The following ESRRG variants were observed in gnomAD, a reference collection of about 807,000 sequenced individuals.
The protein encoded by ESRRG is estrogen-related receptor gamma.
Under a neutral mutation model 44.0 loss-of-function variants are expected in ESRRG, and 13 were observed. That is an observed-to-expected ratio of 0.30 (90% CI 0.19 to 0.47). The LOEUF is 0.47. ESRRG is among the 20% of genes least tolerant of loss of function. ESRRG has a pLI of 1.00. For synonymous variants in ESRRG, 215 were observed against 214.6 expected, an observed-to-expected ratio of 1.00 and a Z score of -0.02; for missense variants, 395 against 580.6, an observed-to-expected ratio of 0.68 and a Z score of 3.29.
At chr1:216,955,118 A>T (rs2067703780) in intron 1 of ESRRG, among the ~76,000 whole-genome samples, 1 of 152,124 alleles carries the variant, frequency 6.6e-6, no homozygotes, top group African/African-American at 2.4e-5. Flanking sequence ...TATCTAACCT[A>T]CAGTGCTATA....
chr1:216,565,551 T>A (rs11572778), intron 4 of ESRRG, among the ~76,000 whole-genome samples: 1,995 of 152,296 alleles, frequency 0.013, 111 homozygotes, highest in Admixed American at 0.089. Context: ...AAATATAGCA[T>A]TCATTTTATC....
chr1:216,902,936 C>T (rs1307036447), intron 2 of ESRRG, among the ~76,000 whole-genome samples: 1 of 152,152 alleles, frequency 6.6e-6, no homozygotes, highest in Non-Finnish European at 1.5e-5. Context: ...CACGTTCCTA[C>T]TTGTTGAAAC....
intron 5 of ESRRG, among the ~76,000 whole-genome samples, chr1:216,531,056 T>C: frequency 2.0e-5 from 3 of 152,230 alleles, no homozygotes; most frequent in Admixed American, 2.0e-4. Context: ...GGAGGTCTTC[T>C]GCATAAATGG....
chr1:216,705,878 G>A (rs922448999), intron 1 of ESRRG, among the ~76,000 whole-genome samples: 4 of 152,296 alleles, frequency 2.6e-5, no homozygotes, highest in Non-Finnish European at 4.4e-5. Flanking sequence ...ATGGCAAGGC[G>A]CCCTGTCTGA....
intron 5 of ESRRG, among the ~76,000 whole-genome samples, chr1:216,555,246 T>G (rs2057286926): frequency 6.6e-6 from 1 of 152,218 alleles, no homozygotes; most frequent in South Asian, 2.1e-4. Context: ...TACTGAGGTT[T>G]GTGATCCAAA....
At chr1:217,023,647 C>T (rs1251584935) in intron 1 of ESRRG, among the ~76,000 whole-genome samples, 1 of 152,190 alleles carries the variant, frequency 6.6e-6, no homozygotes, top group Non-Finnish European at 1.5e-5. Flanking sequence ...AAACCTCCTT[C>T]CTTGAGATGC....
chr1:217,120,140 C>T (rs1393096685), intron 1 of ESRRG, among the ~76,000 whole-genome samples: 1 of 151,980 alleles, frequency 6.6e-6, no homozygotes, highest in Non-Finnish European at 1.5e-5. Flanking sequence ...TCCAAGGCAC[C>T]CCACATTTAA....
chr1:216,607,738 A>G (rs977879110), intron 3 of ESRRG, among the ~76,000 whole-genome samples: 1 of 152,188 alleles, frequency 6.6e-6, no homozygotes, highest in African/African-American at 2.4e-5. Flanking sequence ...GTACAAACAA[A>G]ATAGAAAGGA....
At chr1:216,866,779 C>A (rs1424846588) in intron 2 of ESRRG, among the ~76,000 whole-genome samples, 1 of 152,022 alleles carries the variant, frequency 6.6e-6, no homozygotes, top group Non-Finnish European at 1.5e-5. Flanking sequence ...GTCCATATTT[C>A]TTCCTCCACG....
chr1:216,507,875 T>C (rs1381870098), intron 6 of ESRRG, among the ~76,000 whole-genome samples: 1 of 152,184 alleles, frequency 6.6e-6, no homozygotes, highest in Admixed American at 6.5e-5. Flanking sequence ...AATGAATAAT[T>C]TGAAAATCTA....
At chr1:216,543,871 A>G (rs535632609) in intron 5 of ESRRG, among the ~76,000 whole-genome samples, 3 of 152,218 alleles carry the variant, frequency 2.0e-5, no homozygotes, top group African/African-American at 7.2e-5. Context: ...TTTATGTTCA[A>G]TAATGCTGAA....
chr1:216,623,850 A>T (rs902800160), intron 3 of ESRRG, among the ~76,000 whole-genome samples: 3 of 152,172 alleles, frequency 2.0e-5, no homozygotes, highest in African/African-American at 7.2e-5. Context: ...AATGCCCAGA[A>T]ACACAAACAA....
intron 3 of ESRRG, among the ~76,000 whole-genome samples, chr1:216,600,548 G>A (rs1435538842): frequency 6.6e-6 from 1 of 152,034 alleles, no homozygotes; most frequent in Non-Finnish European, 1.5e-5. Context: ...AAGTTCAGGG[G>A]TACATGTGCA....
Position 216,570,608 on chromosome 1 carries a change from T to C in ESRRG, c.590-2510A>G, listed in dbSNP as rs970115616. 2.0e-5 allele frequency among the ~76,000 whole-genome samples: 3 copies of C among 152,176 alleles called. No homozygotes were observed. The South Asian group carries it at 6.2e-4, about 31-fold the overall frequency. ...TAAGAATTTTGAAAATTAAAAATCT[T>C]AGTAGAAAATCAAAAGCATATGACA... is the stretch of plus-strand genomic sequence containing the variant. On this transcript the variant is annotated intron_variant, in intron 3 of 6. Transcript: ENST00000408911.
intron 1 of ESRRG, among the ~76,000 whole-genome samples, chr1:217,007,931 G>T (rs2077988318): frequency 6.6e-6 from 1 of 152,148 alleles, no homozygotes; most frequent in South Asian, 2.1e-4. Context: ...CAAGAGAAGA[G>T]CCATAATACA....
chr1:217,126,393 G>A (rs180978202), intron 1 of ESRRG, among the ~76,000 whole-genome samples: 259 of 152,196 alleles, frequency 1.7e-3, no homozygotes, highest in African/African-American at 6.0e-3. Context: ...GTGGTACAGT[G>A]CAGAAAGGTT....
chr1:216,796,916 C>A (rs944903508), intron 2 of ESRRG, among the ~76,000 whole-genome samples: 1 of 152,052 alleles, frequency 6.6e-6, no homozygotes, highest in African/African-American at 2.4e-5. Context: ...TTTTTAGATG[C>A]AGTCTCACCC....
chr1:217,077,861 GA>G lies in ESRRG; in HGVS notation c.-106+11645del, dbSNP rs1367056451. 2.0e-5 allele frequency among the ~76,000 whole-genome samples: 3 copies of G among 152,138 alleles called. No individual in the cohort carries two copies. The East Asian group carries it at 5.8e-4, about 29-fold the overall frequency. On this transcript the variant is annotated intron_variant, in intron 1 of 7. Transcript: ENST00000359162. ...AATTACAATTCCTAATAAAAATTTA[GA>G]AGTTTTATAGTTTAATGCCCACAGT...
intron 1 of ESRRG, among the ~76,000 whole-genome samples, chr1:216,958,207 A>C (rs2068336473): frequency 6.6e-6 from 1 of 152,182 alleles, no homozygotes; most frequent in South Asian, 2.1e-4. Context: ...TGTTTCACAC[A>C]TTTTAGCTAT....
Sources: allele counts gnomAD v4.1 joint callset (sites outside exome capture counted in the v4.1 genomes callset), GRCh38; gene constraint gnomAD v4.1.1; transcripts MANE v1.5; gene names NCBI Gene and HGNC (gene_info 2026-07-23, HGNC 2026-07-21).